Variants in OTOF observed in about 807,000 individuals in gnomAD.
The protein encoded by OTOF is otoferlin, also known as fer-1-like family member 2.
OTOF carries 218 observed loss-of-function variants against 236.8 expected under a neutral mutation model. That is an observed-to-expected ratio of 0.92 (90% confidence interval 0.82 to 1.03). OTOF has a LOEUF of 1.03. Ranked by LOEUF, OTOF falls within the 50% of genes least tolerant of loss-of-function variation. OTOF has a pLI of 0.00. For missense variants in OTOF, 2,590 were observed against 2,694.4 expected (o/e 0.96, Z 0.86); for synonymous variants, 1,041 against 1,072.5 (o/e 0.97, Z 0.57).
intron 2 of OTOF, among the ~76,000 whole-genome samples, chr2:26,535,723 G>C (rs1667054163): frequency 6.6e-6 from 1 of 152,180 alleles, no homozygotes; most frequent in South Asian, 2.1e-4. Flanking sequence ...GTTGAGCCCA[G>C]GTTCCTGCCT....
Position 26,461,171 on chromosome 2 carries a change from A to C in OTOF, c.5534-141T>G. ...CATCTCATCCTCCTGCCTCACTCCC[A>C]GCAACTGGCCTCAATGCAGGCATCC... On this transcript the variant is annotated intron_variant, in intron 43 of 46. Coordinates refer to ENST00000272371, the MANE Select transcript of OTOF (RefSeq NM_194248.3). The surrounding 1 kb of genome is among the most constrained non-coding windows in gnomAD (Gnocchi z 6.2). 1 of 783,804 alleles carries C rather than the reference A, an allele frequency of 1.3e-6. No individual in the cohort carries two copies. The highest frequency in any genetic ancestry group is 2.1e-6 in the Non-Finnish European group (1 of 471,602). The allele number at this position is 783,804 out of a possible 1,614,324, so 48.6% of individuals were successfully genotyped here. A position where few individuals can be genotyped will look rare whatever the true frequency, so the allele number is the denominator to read the frequency against.
In OTOF at chr2:26,501,706, C is replaced by T. The variant is rs148595171; in HGVS notation, c.765+48G>A. 8.1e-5 allele frequency: 106 copies of T among 1,313,410 alleles called. No individual in the cohort carries two copies. In the East Asian group the frequency reaches 2.3e-3, roughly 29 times the overall value. 81.4% of individuals were successfully genotyped at this position (1,313,410 alleles called of 1,614,324 possible). A position where few individuals can be genotyped will look rare whatever the true frequency, so the allele number is the denominator to read the frequency against. ...TAATGCACATCCGGCTAGAATCCCC[C>T]ACTAGAGCAGAGTCTGAAAGACATG... On this transcript the variant is annotated intron_variant, in intron 8 of 46. Transcript: ENST00000272371.
At position 26,477,466 on chromosome 2, in the gene OTOF, A is replaced by C; in HGVS notation, c.2356T>G (p.Ser786Ala). Reference protein sequence around the residue: ...SLADKDQGHSSRTRLDRERLK... With the variant: ...SLADKDQGHSARTRLDRERLK... ...CGCTCCCGGTCAAGCCTGGTGCGGG[A>C]TGAGTGGCCCTGGTCCTTGTCAGCG... The change falls in exon 20 of 47, where the codon TCC becomes GCC. Residue 786 changes from serine (S) to alanine (A), a missense_variant. Ser to Ala is a moderately conservative substitution (Grantham distance 99). Around this residue, in one of 2 missense-constraint regions of OTOF, gnomAD observed 1,379 missense variants for 1,341.6 expected, o/e 1.03. Coordinates refer to ENST00000272371, the MANE Select transcript of OTOF (RefSeq NM_194248.3). This position sits in a 1 kb window ranked among gnomAD's most constrained non-coding sequence, Gnocchi z 4.7. The C allele has an allele frequency of 1.9e-6, 3 of 1,603,558 alleles. No individual in the cohort carries two copies. Among genetic ancestry groups the C allele is most frequent in the Non-Finnish European group, 2.6e-6 (3 of 1,175,950 alleles).
chr2:26,517,683 C>T (rs948695990), intron 4 of OTOF, among the ~76,000 whole-genome samples: 2 of 152,142 alleles, frequency 1.3e-5, no homozygotes, highest in Non-Finnish European at 2.9e-5. Flanking sequence ...CCTGGGTCTC[C>T]GTGCTGGCCC....
chr2:26,530,067 G>A (rs1186193041), intron 2 of OTOF, among the ~76,000 whole-genome samples: 3 of 151,846 alleles, frequency 2.0e-5, no homozygotes, highest in East Asian at 2.0e-4. Context: ...TGTGGGAGTC[G>A]GGGGGCCGCA....
rs150782952 is a variant in OTOF at position 26,474,575 on chromosome 2, A to G, written c.3226T>C (p.Tyr1076His). The G allele has an allele frequency of 3.0e-5, 48 of 1,613,058 alleles. No homozygotes were observed. The Middle Eastern group carries it at 4.9e-4, about 17-fold the overall frequency. Residue 1076 changes from tyrosine (Y) to histidine (H), a missense_variant, in exon 26 of 47, where the codon TAC (tyrosine) becomes CAC (histidine). Around this residue, in one of 2 missense-constraint regions of OTOF, gnomAD observed 1,211 missense variants for 1,352.8 expected, o/e 0.90. Coordinates refer to ENST00000272371, the MANE Select transcript of OTOF (RefSeq NM_194248.3). ...PPRFPPQLEY[Y>H]QIYRGNATAG... ...GTGGCGTTGCCACGGTAGATCTGGTAGTACTCGAGCTGAGGTGGGAAGCGG... is the reference window on the plus strand; with the variant it reads ...GTGGCGTTGCCACGGTAGATCTGGTGGTACTCGAGCTGAGGTGGGAAGCGG...
chr2:26,548,732 C>T (rs961093760), intron 1 of OTOF, among the ~76,000 whole-genome samples: 4 of 152,188 alleles, frequency 2.6e-5, no homozygotes, highest in Non-Finnish European at 4.4e-5. Flanking sequence ...GTTCTGTACA[C>T]GTTTGTGGCC....
chr2:26,475,676 T>C (rs771456476), intron 24 of OTOF, among the ~76,000 whole-genome samples, 183 bp from the exon 25 acceptor site: 7 of 152,188 alleles, frequency 4.6e-5, no homozygotes, highest in Non-Finnish European at 1.0e-4. Context: ...CCCCTGCCAA[T>C]GTCCTCCTTG....
intron 3 of OTOF, among the ~76,000 whole-genome samples, chr2:26,520,505 G>A (rs1215978165): frequency 6.6e-6 from 1 of 152,208 alleles, no homozygotes; most frequent in Non-Finnish European, 1.5e-5. Context: ...TTGGAGCTCA[G>A]AGCCCCAACC....
intron 2 of OTOF, among the ~76,000 whole-genome samples, chr2:26,530,135 T>C (rs573700687): frequency 9.6e-4 from 146 of 151,378 alleles, no homozygotes; most frequent in African/African-American, 3.4e-3. Context: ...TTGGTCCCCC[T>C]GAGGGTCTGT....
In OTOF at chr2:26,474,694, A is replaced by G; in HGVS notation, c.3127-20T>C. On this transcript the variant is annotated intron_variant, in intron 25 of 46. Transcript: ENST00000272371. ...TTTGCCCTGACGCAACAGACAACCC[A>G]GAAGCCTCTTGGTGCTTGCTGTCCA... is the stretch of plus-strand genomic sequence containing the variant. 1 of 1,613,116 alleles carries G rather than the reference A, an allele frequency of 6.2e-7. No individual in the cohort carries two copies. The highest frequency in any genetic ancestry group is 1.3e-5 in the African/African-American group (1 of 75,032).
At chr2:26,517,986 C>T (rs1666578180) in intron 4 of OTOF, among the ~76,000 whole-genome samples, 1 of 152,196 alleles carries the variant, frequency 6.6e-6, no homozygotes, top group South Asian at 2.1e-4. Flanking sequence ...TTATTCTGCA[C>T]CCCTTCTCCC....
chr2:26,475,940 A>T lies in OTOF; in HGVS notation c.2965T>A (p.Phe989Ile). 1 of 1,610,790 alleles carries T rather than the reference A, an allele frequency of 6.2e-7. No individual in the cohort carries two copies. The highest frequency in any genetic ancestry group is 1.1e-5 in the South Asian group (1 of 90,494). Reference protein sequence around the residue: ...GLSDPFARVFFINQSQCTEVL... With the variant: ...GLSDPFARVFIINQSQCTEVL... The stretch of plus-strand genomic sequence containing the variant: ...TCTGTGCACTGACTCTGATTGATGA[A>T]GAAGACGCGGGCAAAGGGGTCTGAG... The change falls in exon 24 of 47, where the codon TTC (phenylalanine) becomes ATC (isoleucine). Residue 989 changes from phenylalanine to isoleucine, a missense_variant. Coordinates refer to ENST00000272371, the MANE Select transcript of OTOF (RefSeq NM_194248.3).
chr2:26,498,709 C>T (rs1034577899), intron 8 of OTOF, among the ~76,000 whole-genome samples: 5 of 152,204 alleles, frequency 3.3e-5, no homozygotes, highest in Non-Finnish European at 7.3e-5. Flanking sequence ...ATCTATACCC[C>T]TGTCCTGGGA....
chr2:26,488,540 G>A (rs1451137066), intron 11 of OTOF, among the ~76,000 whole-genome samples: 1 of 152,232 alleles, frequency 6.6e-6, no homozygotes, highest in African/African-American at 2.4e-5. Context: ...AGCACACATG[G>A]CTGCCCAAAA....
chr2:26,464,701 C>T (rs1466544454), intron 39 of OTOF, among the ~76,000 whole-genome samples, 168 bp downstream of exon 39: 1 of 152,146 alleles, frequency 6.6e-6, no homozygotes, highest in African/African-American at 2.4e-5. Flanking sequence ...AGAGGCTGGG[C>T]AGACAGGAAC....
At chr2:26,482,881 TTGCATGTGTGCGTGTGTTAATGGG>T (rs1175791697) in intron 13 of OTOF, among the ~76,000 whole-genome samples, 5 of 100,194 alleles carry the variant, frequency 5.0e-5, no homozygotes, top group African/African-American at 2.0e-4. Flanking sequence ...GTGTGAGTGG[TTGCATGTGTGCGTGTGTTAATGGG>T]TGCATGTGTG....
intron 5 of OTOF, among the ~76,000 whole-genome samples, chr2:26,509,791 A>G (rs1397984328): frequency 1.3e-5 from 2 of 152,226 alleles, no homozygotes; most frequent in Non-Finnish European, 2.9e-5. Flanking sequence ...GGAGAATTAG[A>G]TTAAATTTAG....
Position 26,489,228 on chromosome 2 carries a change from G to T in OTOF, c.1028C>A (p.Thr343Asn), listed in dbSNP as rs1348042515. 6.2e-7 allele frequency: 1 copy of T among 1,612,436 alleles called. No individual in the cohort carries two copies. The highest frequency in any genetic ancestry group is 2.2e-5 in the East Asian group (1 of 44,862). The change falls in exon 11 of 47, where the codon ACC becomes AAC. Residue 343 changes from threonine to asparagine, a missense_variant. By Grantham distance (65) the Thr-to-Asn change is moderately conservative. Transcript: ENST00000272371. ...GTACTCACCTGGCTGCGAGTACACG[G>T]TTCCCACGTCCATTTTGAAGGAGCC... ...LVGSFKMDVG[T>N]VYSQPEHQFH...
Sources: allele counts gnomAD v4.1 joint callset (sites outside exome capture counted in the v4.1 genomes callset), GRCh38; gene constraint gnomAD v4.1.1; regional missense constraint gnomAD v4.1.1; non-coding constraint Gnocchi (gnomAD v3.1); transcripts MANE v1.5; gene names NCBI Gene and HGNC (gene_info 2026-07-23, HGNC 2026-07-21).